The following ZNF385D variants were observed in gnomAD, a reference collection of about 807,000 sequenced individuals.
The protein encoded by ZNF385D is zinc finger protein 659.
In ZNF385D, 15 loss-of-function variants were observed where a neutral mutation model predicts 35.8. The ratio of observed to expected loss-of-function variants is 0.42; its 90% CI spans 0.28 to 0.64. The LOEUF (loss-of-function observed/expected upper bound fraction) is 0.64, where lower values mean the gene tolerates loss of function less well. Ranked by LOEUF, ZNF385D falls within the 30% of genes least tolerant of loss-of-function variation. The pLI, the probability that ZNF385D is intolerant of heterozygous loss-of-function variation, is 0.23. For synonymous variants in ZNF385D, 212 were observed against 186.8 expected, an observed-to-expected ratio of 1.13 and a Z score of -1.10; for missense variants, 474 against 494.6, an observed-to-expected ratio of 0.96 and a Z score of 0.39.
chr3:21,983,143 T>A (rs1414039026), intron 3 of ZNF385D, among the ~76,000 whole-genome samples: 1 of 139,804 alleles, frequency 7.2e-6, no homozygotes, highest in South Asian at 2.3e-4. Context: ...CTCAATTTTT[T>A]ATTTTATTTT....
intron 3 of ZNF385D, among the ~76,000 whole-genome samples, chr3:21,763,996 T>A (rs2070726437): frequency 6.6e-6 from 1 of 152,170 alleles, no homozygotes; most frequent in Non-Finnish European, 1.5e-5. Context: ...AAGAATGAGA[T>A]ACTGCAATGG....
At chr3:22,073,148 G>C (rs1700306798) in intron 3 of ZNF385D, among the ~76,000 whole-genome samples, 1 of 152,040 alleles carries the variant, frequency 6.6e-6, no homozygotes, top group Non-Finnish European at 1.5e-5. Context: ...GAATTTACCT[G>C]CTTGAAACAA....
chr3:21,523,621 T>C (rs1171961805), intron 3 of ZNF385D, among the ~76,000 whole-genome samples: 1 of 152,212 alleles, frequency 6.6e-6, no homozygotes, highest in Non-Finnish European at 1.5e-5. Flanking sequence ...ATGTTTTGCT[T>C]ATATCCCCAA....
intron 3 of ZNF385D, among the ~76,000 whole-genome samples, chr3:21,899,441 C>T (rs1318266396): frequency 1.3e-5 from 2 of 152,150 alleles, no homozygotes; most frequent in African/African-American, 4.8e-5. Context: ...TTGTTAAGCA[C>T]ACATTACTGG....
chr3:22,032,386 G>A (rs960635494), intron 3 of ZNF385D, among the ~76,000 whole-genome samples: 1 of 152,188 alleles, frequency 6.6e-6, no homozygotes, highest in African/African-American at 2.4e-5. Flanking sequence ...ACATGTAGAG[G>A]AAACTGTCAT....
At position 21,797,072 on chromosome 3, in the gene ZNF385D, C is replaced by G. The variant is rs182183926; in HGVS notation, c.326-132044G>C. On this transcript the variant is annotated intron_variant, in intron 3 of 5. Coordinates refer to the ZNF385D transcript ENST00000494108. Reference sequence around the variant, plus strand: ...TCGTCAAGAGAAAAATAAGTCAAGACGTATTTGCAAAACACATATCTGATA... The same window carrying G: ...TCGTCAAGAGAAAAATAAGTCAAGAGGTATTTGCAAAACACATATCTGATA... 2.2e-3 allele frequency among the ~76,000 whole-genome samples: 331 copies of G among 152,242 alleles called. 1 individual carries two copies. The highest frequency in any genetic ancestry group is 3.6e-3 in the Non-Finnish European group (247 of 68,010).
intron 3 of ZNF385D, among the ~76,000 whole-genome samples, chr3:21,994,143 A>C (rs144086514): frequency 3.3e-5 from 5 of 152,312 alleles, no homozygotes; most frequent in African/African-American, 1.2e-4. Flanking sequence ...GCAGCAAGCT[A>C]AACAAACCAA....
chr3:21,597,892 C>T (rs374228863), intron 2 of ZNF385D, among the ~76,000 whole-genome samples: 1 of 152,134 alleles, frequency 6.6e-6, no homozygotes, highest in East Asian at 1.9e-4. Context: ...AATGAAAAAA[C>T]ACACACAGGG....
At chr3:21,566,152 T>C (rs2063139183) in intron 2 of ZNF385D, among the ~76,000 whole-genome samples, 1 of 152,210 alleles carries the variant, frequency 6.6e-6, no homozygotes, top group Non-Finnish European at 1.5e-5. Flanking sequence ...TTCCATAGGC[T>C]AATCACTGGA....
At chr3:22,286,710 T>C (rs748078217) in intron 2 of ZNF385D, among the ~76,000 whole-genome samples, 8 of 152,268 alleles carry the variant, frequency 5.3e-5, no homozygotes, top group Non-Finnish European at 8.8e-5. Context: ...TGATTCCTCC[T>C]CTTACTGATT....
At chr3:21,820,483 G>A (rs977339189) in intron 3 of ZNF385D, among the ~76,000 whole-genome samples, 9 of 151,700 alleles carry the variant, frequency 5.9e-5, no homozygotes, top group South Asian at 4.2e-4. Context: ...AAAATTTGTC[G>A]CAGAAATGCT....
chr3:22,203,546 G>A (rs751930787), intron 2 of ZNF385D, among the ~76,000 whole-genome samples: 2 of 152,098 alleles, frequency 1.3e-5, no homozygotes, highest in Non-Finnish European at 2.9e-5. Context: ...TATCGAGGAG[G>A]CTCTTGGGAT....
chr3:21,532,126 C>T (rs1553607191), intron 3 of ZNF385D, among the ~76,000 whole-genome samples: 4 of 152,096 alleles, frequency 2.6e-5, no homozygotes, highest in African/African-American at 4.8e-5. Flanking sequence ...GCACCTCCTT[C>T]GGATGTGGTT....
At chr3:22,108,592 C>T (rs1334767790) in intron 3 of ZNF385D, among the ~76,000 whole-genome samples, 1 of 152,132 alleles carries the variant, frequency 6.6e-6, no homozygotes, top group Non-Finnish European at 1.5e-5. Flanking sequence ...CAAACTTTGC[C>T]ACTGACTAAG....
chr3:21,897,314 T>C (rs1399377700), intron 3 of ZNF385D, among the ~76,000 whole-genome samples: 4 of 152,148 alleles, frequency 2.6e-5, no homozygotes. Context: ...TATTGATTAC[T>C]AAGAACTATA....
chr3:22,071,671 A>G (rs1452656641), intron 3 of ZNF385D, among the ~76,000 whole-genome samples: 1 of 152,138 alleles, frequency 6.6e-6, no homozygotes, highest in Non-Finnish European at 1.5e-5. Flanking sequence ...TATTTGAGTA[A>G]GCTCACATTT....
chr3:22,281,881 T>TTGG (rs1309305903), intron 2 of ZNF385D, among the ~76,000 whole-genome samples: 2 of 139,906 alleles, frequency 1.4e-5, no homozygotes, highest in Non-Finnish European at 3.2e-5. Context: ...ACATTTTTTG[T>TTGG]TGGTGGTGGT....
intron 3 of ZNF385D, among the ~76,000 whole-genome samples, chr3:22,139,586 A>T (rs1704368861): frequency 7.0e-6 from 1 of 142,334 alleles, no homozygotes; most frequent in African/African-American, 2.6e-5. Flanking sequence ...GGACACAGGA[A>T]GGGGAACATC....
chr3:22,058,073 C>T, intron 3 of ZNF385D, among the ~76,000 whole-genome samples: 1 of 152,158 alleles, frequency 6.6e-6, no homozygotes. Flanking sequence ...ACACACCCTT[C>T]TAGGCTGTGC....
Sources: allele counts gnomAD v4.1 joint callset (sites outside exome capture counted in the v4.1 genomes callset), GRCh38; gene constraint gnomAD v4.1.1; transcripts MANE v1.5; gene names NCBI Gene and HGNC (gene_info 2026-07-23, HGNC 2026-07-21).